Variants in DDX46 observed in about 807,000 individuals in gnomAD.
The protein encoded by DDX46 is DEAD-box helicase 46.
DDX46 carries 30 observed loss-of-function variants against 134.9 expected under a neutral mutation model. The ratio of observed to expected loss-of-function variants is 0.22; its 90% CI spans 0.17 to 0.30. The LOEUF (loss-of-function observed/expected upper bound fraction) is 0.30, where lower values mean the gene tolerates loss of function less well. DDX46 is among the 10% of genes least tolerant of loss of function. The probability of loss-of-function intolerance (pLI) is 1.00; values close to 1 mark genes in which losing one functional copy is unlikely to be tolerated. For missense variants in DDX46, 622 were observed against 1,248.7 expected (o/e 0.50, Z 7.56); for synonymous variants, 415 against 404.1 (o/e 1.03, Z -0.32).
Position 134,758,961 on chromosome 5 carries a change from G to A in DDX46, c.17+6G>A. The A allele has an allele frequency of 1.2e-6, 2 of 1,611,600 alleles. No homozygotes were observed. The highest frequency in any genetic ancestry group is 1.3e-5 in the African/African-American group (1 of 75,048). ...AGCATGGGTCGGGAGTCACGGTGAGGCAGAGCGCCGAGCGGGCTAGCGGGC... is the reference window on the plus strand; with the variant it reads ...AGCATGGGTCGGGAGTCACGGTGAGACAGAGCGCCGAGCGGGCTAGCGGGC... On this transcript the variant is annotated splice_donor_region_variant and intron_variant, in intron 1 of 22. Transcript: ENST00000452510.
intron 6 of DDX46, chr5:134,780,869 A>AAAC (rs1346377069): frequency 1.4e-5 from 3 of 217,862 alleles, no homozygotes; most frequent in African/African-American, 7.2e-5. Flanking sequence ...TTCTACTAAA[A>AAAC]AACAAAAAAA....
chr5:134,798,451 C>T (rs1049390882), intron 15 of DDX46, among the ~76,000 whole-genome samples: 4 of 152,150 alleles, frequency 2.6e-5, no homozygotes, highest in African/African-American at 9.7e-5. Context: ...AATCCACTTG[C>T]CTTGGCCTCC....
intron 1 of DDX46, among the ~76,000 whole-genome samples, chr5:134,760,604 T>C (rs246347): frequency 0.86 from 131,438 of 152,206 alleles, 57,216 homozygotes; most frequent in East Asian, 0.99. Flanking sequence ...ACAGGAAGAC[T>C]ACAGTCTTTA....
chr5:134,775,804 T>C (rs1161475424), intron 5 of DDX46, among the ~76,000 whole-genome samples: 1 of 152,214 alleles, frequency 6.6e-6, no homozygotes, highest in Admixed American at 6.5e-5. Flanking sequence ...GTAGTCGTGA[T>C]GTCTTAATTC....
intron 12 of DDX46, 81 bp downstream of exon 12, chr5:134,788,672 C>CA: frequency 4.1e-6 from 5 of 1,229,950 alleles, no homozygotes; most frequent in Non-Finnish European, 5.9e-6. Flanking sequence ...AAGAAACCAA[C>CA]AAAGGGTTTC....
Position 134,758,817 on chromosome 5 carries a change from G to A in DDX46, c.-122G>A. 1 of 1,480,694 alleles carries A rather than the reference G, an allele frequency of 6.8e-7. No individual in the cohort carries two copies. The highest frequency in any genetic ancestry group is 1.1e-5 in the South Asian group (1 of 87,414). The allele number at this position is 1,480,694 out of a possible 1,614,324, so 91.7% of individuals were successfully genotyped here. ...CCGCGCTGGGATGGCCGCCACAGCT[G>A]TAGGTGCTGCTAGTGTTTAGCGCTG... On this transcript the variant is annotated 5_prime_UTR_variant, in exon 1 of 23. Coordinates refer to ENST00000452510, the MANE Select transcript of DDX46 (RefSeq NM_001300860.2).
At position 134,758,806 on chromosome 5, in the gene DDX46, C is replaced by T. The variant is rs1371364617; in HGVS notation, c.-133C>T. 19 of 1,421,242 alleles carry T rather than the reference C, an allele frequency of 1.3e-5. No individual in the cohort carries two copies. The highest frequency in any genetic ancestry group is 2.3e-5 in the East Asian group (1 of 43,002). 88.0% of individuals were successfully genotyped at this position (1,421,242 alleles called of 1,614,324 possible). A position where few individuals can be genotyped will look rare whatever the true frequency, so the allele number is the denominator to read the frequency against. On this transcript the variant is annotated 5_prime_UTR_variant, in exon 1 of 23. Transcript: ENST00000452510. ...GTTTTCGTTGGCCGCGCTGGGATGGCCGCCACAGCTGTAGGTGCTGCTAGT... is the reference window on the plus strand; with the variant it reads ...GTTTTCGTTGGCCGCGCTGGGATGGTCGCCACAGCTGTAGGTGCTGCTAGT...
intron 13 of DDX46, 37 bp from the exon 14 acceptor site, chr5:134,794,813 T>G (rs781307597): frequency 6.2e-7 from 1 of 1,610,068 alleles, no homozygotes; most frequent in Admixed American, 1.7e-5. Flanking sequence ...GAAGACCATA[T>G]TTACCATATT....
chr5:134,784,542 G>A lies in DDX46; in HGVS notation c.1342+1G>A. 1.3e-6 allele frequency: 2 copies of A among 1,584,412 alleles called. No homozygotes were observed. The highest frequency in any genetic ancestry group is 1.7e-6 in the Non-Finnish European group (2 of 1,166,904). ...TTAGAGGAAGGAGAGGGGCCAATAGGTACAATTCTTTTCATTAAACTATTT... is the reference window on the plus strand; with the variant it reads ...TTAGAGGAAGGAGAGGGGCCAATAGATACAATTCTTTTCATTAAACTATTT... On this transcript the variant is annotated splice_donor_variant, in intron 10 of 22. Coordinates refer to ENST00000452510, the MANE Select transcript of DDX46 (RefSeq NM_001300860.2). LOFTEE classifies it high-confidence loss of function.
At chr5:134,762,427 A>G (rs927352584) in intron 1 of DDX46, among the ~76,000 whole-genome samples, 2 of 151,528 alleles carry the variant, frequency 1.3e-5, no homozygotes, top group Non-Finnish European at 2.9e-5. Flanking sequence ...CAAAAAAGAA[A>G]TTTAAAAAAA....
intron 20 of DDX46, 76 bp downstream of exon 20, chr5:134,817,790 C>A: frequency 8.0e-7 from 1 of 1,256,548 alleles, no homozygotes; most frequent in Non-Finnish European, 1.1e-6. Context: ...ATCTTTAAAA[C>A]CCATGAACAT....
intron 12 of DDX46, among the ~76,000 whole-genome samples, chr5:134,788,833 A>T (rs571179922): frequency 2.0e-5 from 3 of 151,150 alleles, no homozygotes; most frequent in African/African-American, 7.3e-5. Flanking sequence ...TGGGTGACAG[A>T]GTAAGACTCC....
rs534956681 is a variant in DDX46 at position 134,813,234 on chromosome 5, C to T, written c.2436+1389C>T. Among the ~76,000 whole-genome samples the T allele has an allele frequency of 7.2e-4, 110 of 152,310 alleles. 1 individual carries two copies. The highest frequency in any genetic ancestry group is 9.2e-4 in the Admixed American group (14 of 15,288). ...CTCAGATTACAGGCGTGAGCCACCA[C>T]GCCCGACCACATTTCATTTTTTAAA... is the stretch of plus-strand genomic sequence containing the variant. On this transcript the variant is annotated intron_variant, in intron 18 of 22. Transcript: ENST00000452510.
At chr5:134,771,550 AG>A (rs201612928) in intron 4 of DDX46, among the ~76,000 whole-genome samples, 1,730 of 149,326 alleles carry the variant, frequency 0.012, 33 homozygotes, top group African/African-American at 0.041. Context: ...AAAAAAAAAA[AG>A]ATTAGCTAGG....
intron 3 of DDX46, 72 bp downstream of exon 3, chr5:134,767,132 T>C (rs1184070415): frequency 2.0e-5 from 30 of 1,497,490 alleles, no homozygotes; most frequent in Non-Finnish European, 2.6e-5. Context: ...CTTTTTTTTT[T>C]TTCCCTGTAA....
intron 15 of DDX46, chr5:134,805,196 A>T (rs931447213): frequency 6.1e-6 from 1 of 162,670 alleles, no homozygotes; most frequent in Admixed American, 6.3e-5. Context: ...TTTGAGATGG[A>T]GTCTTGCTCT....
rs1159682084 is a variant in DDX46, at chr5:134,764,032, G to C, written c.146G>C (p.Arg49Thr). Reference protein sequence around the residue: ...RSRSRDRDRRRERSRSRDKRR... With the variant: ...RSRSRDRDRRTERSRSRDKRR... Reference sequence around the variant, plus strand: ...AGAAGTAGAGATAGAGATAGGAGGAGAGAGAGGTCTCGTAGCAGGGATAAA... The same window carrying C: ...AGAAGTAGAGATAGAGATAGGAGGACAGAGAGGTCTCGTAGCAGGGATAAA... Residue 49 changes from arginine (R) to threonine (T), a missense_variant, in exon 2 of 23, where the codon AGA (arginine) becomes ACA (threonine). Arg to Thr is a moderately conservative substitution (Grantham distance 71, BLOSUM62 -1). Transcript: ENST00000452510. The C allele has an allele frequency of 6.2e-7, 1 of 1,614,092 alleles. No individual in the cohort carries two copies. The highest frequency in any genetic ancestry group is 8.5e-7 in the Non-Finnish European group (1 of 1,180,044).
rs1755661462 is a variant in DDX46 at position 134,828,881 on chromosome 5, C to T, written c.*175C>T. On this transcript the variant is annotated 3_prime_UTR_variant, in exon 23 of 23. Coordinates refer to ENST00000452510, the MANE Select transcript of DDX46 (RefSeq NM_001300860.2). ...ATCTGTCCGTAAGTACCCCCACAAT[C>T]AGTCAAACTATATTTAAAGCCAGCC... 1 of 397,412 alleles carries T rather than the reference C, an allele frequency of 2.5e-6. No individual in the cohort carries two copies. Among genetic ancestry groups the T allele is most frequent in the African/African-American group, 2.1e-5 (1 of 48,426 alleles). The allele number at this position is 397,412 out of a possible 1,614,324, so 24.6% of individuals were successfully genotyped here.
chr5:134,821,022 AC>A (rs1755431898), intron 21 of DDX46, among the ~76,000 whole-genome samples: 1 of 145,488 alleles, frequency 6.9e-6, no homozygotes, highest in African/African-American at 2.5e-5. Context: ...CCCCCCCGCC[AC>A]ACCTAGCTAA....
Sources: gnomAD v4.1 joint callset for allele counts (sites outside exome capture counted in the v4.1 genomes callset) on GRCh38, gnomAD v4.1.1 for gene constraint, MANE v1.5 for transcripts, NCBI Gene and HGNC (gene_info 2026-07-23, HGNC 2026-07-21) for gene names.